The following CTNNA2 variants were observed in gnomAD, a reference collection of about 807,000 sequenced individuals.
CTNNA2 encodes catenin alpha-2.
CTNNA2 carries 42 observed loss-of-function variants against 101.0 expected under a neutral mutation model. The ratio of observed to expected loss-of-function variants is 0.42; its 90% CI spans 0.32 to 0.54. The LOEUF is 0.54. CTNNA2 is among the 20% of genes least tolerant of loss of function. The pLI is 0.14. For synonymous variants in CTNNA2, 450 were observed against 456.4 expected (o/e 0.99, Z 0.18); for missense variants, 871 against 1,223.1 (o/e 0.71, Z 4.29).
chr2:80,065,074 G>T (rs553660164), intron 7 of CTNNA2, among the ~76,000 whole-genome samples: 2 of 152,256 alleles, frequency 1.3e-5, no homozygotes, highest in South Asian at 2.1e-4. Context: ...CACTCAAAAA[G>T]AATTTTTTTT....
chr2:80,307,067 A>T (rs1423692642), intron 7 of CTNNA2, among the ~76,000 whole-genome samples: 3 of 148,520 alleles, frequency 2.0e-5, no homozygotes, highest in Admixed American at 1.4e-4. Context: ...ATTATATATA[A>T]ATATATATTT....
intron 7 of CTNNA2, among the ~76,000 whole-genome samples, chr2:80,346,210 T>C (rs1277935031): frequency 6.6e-6 from 1 of 152,198 alleles, no homozygotes; most frequent in Non-Finnish European, 1.5e-5. Context: ...GAAACACCTG[T>C]GACTGTGTAA....
chr2:79,328,683 T>A (rs778391212), intron 3 of CTNNA2, among the ~76,000 whole-genome samples: 3 of 152,070 alleles, frequency 2.0e-5, no homozygotes, highest in East Asian at 1.9e-4. Context: ...TAGGAAGATA[T>A]AAAAGGGAGA....
intron 1 of CTNNA2, among the ~76,000 whole-genome samples, chr2:79,636,691 T>C (rs1310345868): frequency 6.6e-6 from 1 of 152,092 alleles, no homozygotes; most frequent in Non-Finnish European, 1.5e-5. Flanking sequence ...AGGTGAAAAA[T>C]ATATATAATT....
At position 79,436,362 on chromosome 2, in the gene CTNNA2, G is replaced by A. The variant is rs1389553000; in HGVS notation, c.-135+62349G>A. On this transcript the variant is annotated intron_variant, in intron 4 of 21. Coordinates refer to the CTNNA2 transcript ENST00000466387. ...GCAGGCCCTTGAGGCCAGGGCTGGT[G>A]TGTCTAGTGGCTGGCTATCGCTCAC... 2.0e-5 allele frequency among the ~76,000 whole-genome samples: 3 copies of A among 152,204 alleles called. No individual in the cohort carries two copies. The East Asian group carries it at 5.8e-4, about 29-fold the overall frequency.
intron 1 of CTNNA2, among the ~76,000 whole-genome samples, chr2:79,515,576 T>A (rs576542966): frequency 1.1e-4 from 16 of 152,222 alleles, no homozygotes; most frequent in African/African-American, 3.9e-4. Context: ...TAAACATTAG[T>A]CCACTGAGTG....
chr2:79,906,615 T>C (rs1241541394), intron 6 of CTNNA2, among the ~76,000 whole-genome samples: 4 of 152,226 alleles, frequency 2.6e-5, no homozygotes, highest in African/African-American at 9.6e-5. Flanking sequence ...TATGCAGAGT[T>C]TGTCAAGCTC....
At chr2:80,115,330 A>C (rs1039237001) in intron 7 of CTNNA2, among the ~76,000 whole-genome samples, 1 of 152,224 alleles carries the variant, frequency 6.6e-6, no homozygotes, top group African/African-American at 2.4e-5. Context: ...CTATTTTAAC[A>C]GACATGGTAT....
chr2:79,673,265 A>C (rs891184774), intron 2 of CTNNA2, among the ~76,000 whole-genome samples: 76 of 152,114 alleles, frequency 5.0e-4, no homozygotes, highest in African/African-American at 1.6e-3. Context: ...ATACCTCATT[A>C]TTCTTTCAGT....
intron 1 of CTNNA2, among the ~76,000 whole-genome samples, chr2:79,602,048 A>G (rs958242106): frequency 1.4e-5 from 2 of 146,794 alleles, no homozygotes; most frequent in African/African-American, 2.7e-5. Flanking sequence ...AAATTGAAAA[A>G]CAGTTCTGTG....
At chr2:80,403,176 A>C (rs1678724137) in intron 8 of CTNNA2, among the ~76,000 whole-genome samples, 1 of 152,256 alleles carries the variant, frequency 6.6e-6, no homozygotes, top group African/African-American at 2.4e-5. Flanking sequence ...AAGGAAAATC[A>C]GCAATACTGA....
At chr2:79,741,551 A>G (rs1275350335) in intron 2 of CTNNA2, among the ~76,000 whole-genome samples, 1 of 152,104 alleles carries the variant, frequency 6.6e-6, no homozygotes, top group Non-Finnish European at 1.5e-5. Flanking sequence ...CTAAAATGTT[A>G]TCATTTTCCC....
intron 3 of CTNNA2, among the ~76,000 whole-genome samples, chr2:79,804,027 T>A (rs1265309287): frequency 6.6e-6 from 1 of 152,222 alleles, no homozygotes; most frequent in Non-Finnish European, 1.5e-5. Context: ...GGGCCACCAG[T>A]TTCTCAAATC....
intron 7 of CTNNA2, among the ~76,000 whole-genome samples, chr2:80,001,267 A>T (rs1346186105): frequency 6.6e-6 from 1 of 152,156 alleles, no homozygotes; most frequent in African/African-American, 2.4e-5. Flanking sequence ...AAGGTGTCCA[A>T]AGTGAAATAT....
chr2:80,092,225 C>T (rs759964719), intron 7 of CTNNA2, among the ~76,000 whole-genome samples: 24 of 152,024 alleles, frequency 1.6e-4, no homozygotes, highest in African/African-American at 4.3e-4. Flanking sequence ...GCAGTTCAGC[C>T]GTTGTAACTC....
intron 7 of CTNNA2, among the ~76,000 whole-genome samples, chr2:80,341,765 A>C (rs534444076): frequency 1.3e-5 from 2 of 152,364 alleles, no homozygotes; most frequent in Admixed American, 1.3e-4. Flanking sequence ...ATTTCTGGGC[A>C]TAATCCAAGA....
intron 1 of CTNNA2, among the ~76,000 whole-genome samples, chr2:79,640,063 A>G (rs1680346329): frequency 6.6e-6 from 1 of 151,392 alleles, no homozygotes; most frequent in Non-Finnish European, 1.5e-5. Flanking sequence ...TGTGAAAGTG[A>G]AGATCTCTGT....
chr2:79,278,680 A>G (rs759554028), intron 2 of CTNNA2, among the ~76,000 whole-genome samples: 20 of 152,112 alleles, frequency 1.3e-4, no homozygotes, highest in African/African-American at 1.7e-4. Context: ...ACCTCCATCT[A>G]ATGGAGAGGA....
rs1677801921 is a variant in CTNNA2 at position 80,313,495 on chromosome 2, G to A, written c.1057-79716G>A. On this transcript the variant is annotated intron_variant, in intron 7 of 18. Coordinates refer to ENST00000402739, the MANE Select transcript of CTNNA2 (RefSeq NM_001282597.3). ...TATGGCAGAGATGTAAACAAGAGCT[G>A]TGGTTGAAGAGATTTTTCTAGCTAA... The A allele has an allele frequency of 5.1e-6, 8 of 1,571,046 alleles. No homozygotes were observed. In the East Asian group the frequency reaches 1.6e-4, roughly 32 times the overall value.
Sources: gnomAD v4.1 joint callset for allele counts (sites outside exome capture counted in the v4.1 genomes callset) on GRCh38, gnomAD v4.1.1 for gene constraint, MANE v1.5 for transcripts, NCBI Gene and HGNC (gene_info 2026-07-23, HGNC 2026-07-21) for gene names.